Variants in PDE4D observed in about 807,000 individuals in gnomAD.
The protein encoded by PDE4D is 3',5'-cyclic-AMP phosphodiesterase 4D.
In PDE4D, 24 loss-of-function variants were observed where a neutral mutation model predicts 87.4. That is an observed-to-expected ratio of 0.27 (90% CI 0.20 to 0.39). PDE4D has a LOEUF of 0.39. PDE4D is among the 10% of genes least tolerant of loss of function. The pLI, the probability that PDE4D is intolerant of heterozygous loss-of-function variation, is 1.00. For synonymous variants in PDE4D, 384 were observed against 383.2 expected (o/e 1.00, Z -0.02); for missense variants, 714 against 1,041.0 (o/e 0.69, Z 4.32).
At chr5:59,124,201 C>T (rs966705906) in intron 5 of PDE4D, among the ~76,000 whole-genome samples, 1 of 152,068 alleles carries the variant, frequency 6.6e-6, no homozygotes, top group African/African-American at 2.4e-5. Flanking sequence ...GTGAGGAGTT[C>T]TATTTGTTTG....
intron 1 of PDE4D, among the ~76,000 whole-genome samples, chr5:59,605,307 A>G (rs1261627194): frequency 6.6e-6 from 1 of 152,146 alleles, no homozygotes; most frequent in Non-Finnish European, 1.5e-5. Flanking sequence ...ATTTTACACA[A>G]TAATTGAGTT....
intron 3 of PDE4D, among the ~76,000 whole-genome samples, chr5:59,980,749 T>G (rs1740724541): frequency 6.6e-6 from 1 of 152,202 alleles, no homozygotes; most frequent in South Asian, 2.1e-4. Flanking sequence ...AGTTTAATCA[T>G]GATCATATTA....
intron 1 of PDE4D, among the ~76,000 whole-genome samples, chr5:60,318,577 C>T (rs1755873644): frequency 6.6e-6 from 1 of 152,054 alleles, no homozygotes; most frequent in South Asian, 2.1e-4. Context: ...TTCTTCCTAG[C>T]CTTGATGGTC....
intron 2 of PDE4D, among the ~76,000 whole-genome samples, chr5:60,105,994 T>A (rs1035547881): frequency 1.3e-5 from 2 of 152,130 alleles, no homozygotes; most frequent in African/African-American, 4.8e-5. Flanking sequence ...CAGGATCAAC[T>A]TCACACATAA....
chr5:59,483,214 C>T (rs1015884179), intron 1 of PDE4D, among the ~76,000 whole-genome samples: 9 of 152,124 alleles, frequency 5.9e-5, no homozygotes, highest in African/African-American at 2.2e-4. Flanking sequence ...AGCTTATTGG[C>T]TGCAGATCTT....
intron 1 of PDE4D, among the ~76,000 whole-genome samples, chr5:59,434,086 GT>G (rs1159774301): frequency 1.1e-4 from 12 of 111,436 alleles, no homozygotes; most frequent in African/African-American, 4.0e-4. Flanking sequence ...TCCTAAAGAA[GT>G]CTCATCTTTA....
At chr5:59,079,882 G>GAGGAGAGGAGAGGAGAGGAT (rs1766413805) in intron 5 of PDE4D, among the ~76,000 whole-genome samples, 1 of 132,134 alleles carries the variant, frequency 7.6e-6, no homozygotes, top group Non-Finnish European at 1.6e-5. Context: ...GAGGAGAGGA[G>GAGGAGAGGAGAGGAGAGGAT]AAGGGGAATG....
chr5:60,301,049 G>A lies in PDE4D; in HGVS notation c.-89-115362C>T, dbSNP rs374298724. ...CTCCCAAAATGCTGGGGTTACAGGC[G>A]TGAGCCAATGCGCCCAGCCTTCTGT... On this transcript the variant is annotated intron_variant, in intron 1 of 16. Transcript: ENST00000502484. 7.2e-5 allele frequency among the ~76,000 whole-genome samples: 11 copies of A among 152,170 alleles called. No individual in the cohort carries two copies. The East Asian group carries it at 7.7e-4, about 11-fold the overall frequency.
At chr5:60,014,938 C>A (rs1190459281) in intron 2 of PDE4D, among the ~76,000 whole-genome samples, 1 of 152,118 alleles carries the variant, frequency 6.6e-6, no homozygotes, top group Non-Finnish European at 1.5e-5. Flanking sequence ...AGAACAGGAT[C>A]CTTTTCAGGA....
intron 5 of PDE4D, among the ~76,000 whole-genome samples, chr5:59,069,845 T>C (rs1055565291): frequency 1.3e-5 from 2 of 152,224 alleles, no homozygotes; most frequent in African/African-American, 2.4e-5. Flanking sequence ...GTCTTCATTA[T>C]AGATTATTTG....
chr5:60,151,916 T>C (rs1781542416), intron 2 of PDE4D, among the ~76,000 whole-genome samples: 1 of 152,236 alleles, frequency 6.6e-6, no homozygotes, highest in Non-Finnish European at 1.5e-5. Context: ...AGGTAAATTC[T>C]TTCTATACCT....
chr5:59,178,591 C>A (rs1426600708), intron 5 of PDE4D, among the ~76,000 whole-genome samples: 1 of 152,136 alleles, frequency 6.6e-6, no homozygotes, highest in Non-Finnish European at 1.5e-5. Context: ...TCCTGTTAAT[C>A]TGTGCCTGGC....
At chr5:60,447,364 G>A (rs1407029056) in intron 1 of PDE4D, among the ~76,000 whole-genome samples, 1 of 152,126 alleles carries the variant, frequency 6.6e-6, no homozygotes, top group African/African-American at 2.4e-5. Flanking sequence ...TAGTAGTTAA[G>A]CATAATTTGC....
chr5:60,314,948 C>T (rs1464304625), intron 1 of PDE4D, among the ~76,000 whole-genome samples: 1 of 152,148 alleles, frequency 6.6e-6, no homozygotes, highest in African/African-American at 2.4e-5. Flanking sequence ...AATAAACATA[C>T]GTGTGCATGT....
chr5:59,239,284 G>T (rs558195476), intron 1 of PDE4D, among the ~76,000 whole-genome samples: 2 of 152,114 alleles, frequency 1.3e-5, no homozygotes, highest in Admixed American at 6.6e-5. Context: ...CACTGATCAC[G>T]TTGCTGAAAT....
At chr5:59,916,104 A>T (rs1314271772) in intron 3 of PDE4D, among the ~76,000 whole-genome samples, 1 of 152,176 alleles carries the variant, frequency 6.6e-6, no homozygotes, top group Non-Finnish European at 1.5e-5. Flanking sequence ...CACAAAATAT[A>T]ATCTATGAGA....
At chr5:59,930,163 CAAAA>C (rs35465849) in intron 3 of PDE4D, among the ~76,000 whole-genome samples, 2 of 82,934 alleles carry the variant, frequency 2.4e-5, no homozygotes, top group Non-Finnish European at 4.4e-5. Flanking sequence ...ACTCCGTCTC[CAAAA>C]AAAAAAAAAA....
Position 58,990,912 on chromosome 5 carries a change from A to T in PDE4D, c.1189-10T>A. ...TCACATCTTCTAGTTCCTGGAGTGA[A>T]AAAAAAAAAAAGATACTAAAATATT... is the stretch of plus-strand genomic sequence containing the variant. On this transcript the variant is annotated splice_polypyrimidine_tract_variant and intron_variant, in intron 8 of 14. Coordinates refer to ENST00000340635, the MANE Select transcript of PDE4D (RefSeq NM_001104631.2). The T allele has an allele frequency of 1.1e-6, 1 of 888,334 alleles. No homozygotes were observed. The highest frequency in any genetic ancestry group is 1.5e-6 in the Non-Finnish European group (1 of 656,816). The allele number at this position is 888,334 out of a possible 1,614,324, so 55.0% of individuals were successfully genotyped here. A position where few individuals can be genotyped will look rare whatever the true frequency, so the allele number is the denominator to read the frequency against.
At chr5:59,031,238 C>A (rs1410949762) in intron 6 of PDE4D, among the ~76,000 whole-genome samples, 1 of 151,598 alleles carries the variant, frequency 6.6e-6, no homozygotes, top group African/African-American at 2.4e-5. Context: ...GGTATACACC[C>A]AAAGGAACTG....
Sources: allele counts gnomAD v4.1 joint callset (sites outside exome capture counted in the v4.1 genomes callset), GRCh38; gene constraint gnomAD v4.1.1; transcripts MANE v1.5; gene names NCBI Gene and HGNC (gene_info 2026-07-23, HGNC 2026-07-21).